KLHL22: variants seen among roughly 807,000 people sequenced by gnomAD.
KLHL22 encodes the protein kelch like family member 22.
In KLHL22, 18 loss-of-function variants were observed where a neutral mutation model predicts 60.7. The observed-to-expected ratio is 0.30, with a 90% CI of 0.20 to 0.44. The LOEUF (loss-of-function observed/expected upper bound fraction) is 0.44, where lower values mean the gene tolerates loss of function less well. KLHL22 is among the 20% of genes least tolerant of loss of function. The pLI is 1.00. For missense variants in KLHL22, 596 were observed against 852.3 expected (o/e 0.70, Z 3.74); for synonymous variants, 355 against 354.5 (o/e 1.00, Z -0.01).
intron 2 of KLHL22, among the ~76,000 whole-genome samples, chr22:20,475,489 T>C (rs1346445849): frequency 2.0e-5 from 3 of 152,180 alleles, no homozygotes; most frequent in African/African-American, 7.2e-5. Flanking sequence ...TAATTTATTT[T>C]GGTATAAGGT....
chr22:20,483,484 T>A, intron 2 of KLHL22: 4 of 741,762 alleles, frequency 5.4e-6, no homozygotes, highest in Non-Finnish European at 1.0e-5. Context: ...GAGCAGCTCC[T>A]CCTTGAGAGC....
intron 2 of KLHL22, chr22:20,483,854 T>C: frequency 1.4e-6 from 1 of 722,370 alleles, no homozygotes; most frequent in Admixed American, 1.8e-5. Flanking sequence ...TCAGGCTTTG[T>C]ATGGTCTCCT....
intron 3 of KLHL22, among the ~76,000 whole-genome samples, chr22:20,470,719 C>CATGGATGGATGG (rs566014622): frequency 2.1e-5 from 3 of 143,498 alleles, no homozygotes; most frequent in Non-Finnish European, 3.1e-5. Flanking sequence ...TGGATGCATG[C>CATGGATGGATGG]ATGGATGGAT....
intron 6 of KLHL22, among the ~76,000 whole-genome samples, chr22:20,442,793 T>C (rs1436073345): frequency 2.0e-5 from 3 of 152,248 alleles, no homozygotes; most frequent in African/African-American, 7.2e-5. Context: ...TCATTCCCCA[T>C]GTCTGAGGGC....
chr22:20,442,567 G>A, intron 6 of KLHL22, 129 bp from the exon 7 acceptor site: 1 of 1,155,080 alleles, frequency 8.7e-7, no homozygotes, highest in Non-Finnish European at 1.2e-6. Flanking sequence ...CTGGAAGGAT[G>A]GCACAGGGCC....
intron 2 of KLHL22, among the ~76,000 whole-genome samples, chr22:20,481,510 T>C (rs1357082335): frequency 6.6e-6 from 1 of 151,966 alleles, no homozygotes; most frequent in Non-Finnish European, 1.5e-5. Context: ...TAGGCGGAGG[T>C]TGCAGTGAGC....
chr22:20,470,873 T>C (rs533072995), intron 3 of KLHL22, among the ~76,000 whole-genome samples: 37 of 151,878 alleles, frequency 2.4e-4, no homozygotes, highest in African/African-American at 8.0e-4. Context: ...CATGCATGGA[T>C]GGATGGATGG....
At chr22:20,454,107 T>TC (rs1162824029) in intron 5 of KLHL22, among the ~76,000 whole-genome samples, 1 of 152,108 alleles carries the variant, frequency 6.6e-6, no homozygotes, top group Admixed American at 6.6e-5. Flanking sequence ...GGCAGACAGA[T>TC]CCCTTGAGAC....
chr22:20,466,737 C>G (rs1352556161), intron 3 of KLHL22, among the ~76,000 whole-genome samples: 1 of 152,324 alleles, frequency 6.6e-6, no homozygotes, highest in East Asian at 1.9e-4. Context: ...TCATAGCTCA[C>G]CGAAGTCTCA....
chr22:20,464,960 G>C lies in KLHL22; in HGVS notation c.1010C>G (p.Pro337Arg). The C allele has an allele frequency of 6.2e-7, 1 of 1,608,220 alleles. No individual in the cohort carries two copies. Among genetic ancestry groups the C allele is most frequent in the Non-Finnish European group, 8.5e-7 (1 of 1,177,090 alleles). ...EWKHFTASLAPRMSNQGIAVL... is the reference protein window; with the variant it reads ...EWKHFTASLARRMSNQGIAVL... ...CGCGATGCCCTGGTTGGACATGCGGGGGGCCAGGGAGGCAGTGAAGTGCTT... is the reference window on the plus strand; with the variant it reads ...CGCGATGCCCTGGTTGGACATGCGGCGGGCCAGGGAGGCAGTGAAGTGCTT... The change falls in exon 4 of 7, where the codon CCC (proline) becomes CGC (arginine). Residue 337 changes from proline to arginine, a missense_variant. Pro to Arg is a moderately radical substitution (Grantham distance 103). Coordinates refer to ENST00000328879, the MANE Select transcript of KLHL22 (RefSeq NM_032775.4).
At chr22:20,482,724 CACA>C in intron 2 of KLHL22, 1 of 626,738 alleles carries the variant, frequency 1.6e-6, no homozygotes. Flanking sequence ...AGGCATGCAC[CACA>C]ACACCTGGCT....
chr22:20,467,946 C>T (rs1195614947), intron 3 of KLHL22, among the ~76,000 whole-genome samples: 2 of 152,204 alleles, frequency 1.3e-5, no homozygotes, highest in South Asian at 4.1e-4. Flanking sequence ...GCGTGAGCCA[C>T]GGCGCCCGGC....
At chr22:20,489,948 AATT>A (rs2053655995) in intron 1 of KLHL22, 1 of 374,900 alleles carries the variant, frequency 2.7e-6, no homozygotes, top group African/African-American at 2.1e-5. Context: ...ATCTTCTAAT[AATT>A]GAGTCAGTAC....
intron 6 of KLHL22, among the ~76,000 whole-genome samples, chr22:20,444,950 T>C (rs1051170948): frequency 6.6e-6 from 1 of 151,672 alleles, no homozygotes; most frequent in Non-Finnish European, 1.5e-5. Context: ...CCTGGCTAAT[T>C]TTTTTTTGTA....
Position 20,465,363 on chromosome 22 carries a change from T to C in KLHL22, c.607A>G (p.Asn203Asp). Residue 203 changes from asparagine to aspartate, a missense_variant, in exon 4 of 7, where the codon AAT becomes GAT. Transcript: ENST00000328879. The surrounding 1 kb of genome is among the most constrained non-coding windows in gnomAD (Gnocchi z 4.9). ...LEKVYSLLSS[N>D]RLEVSCETEV... ...GTCTCGCAGGAGACCTCCAGGCGAT[T>C]GCTGCTGAGGAGGGAGTAGACCTTC... 6.2e-7 allele frequency: 1 copy of C among 1,614,100 alleles called. No individual in the cohort carries two copies. Among genetic ancestry groups the C allele is most frequent in the Non-Finnish European group, 8.5e-7 (1 of 1,179,994 alleles).
intron 2 of KLHL22, chr22:20,482,039 T>C (rs1306916086): frequency 1.3e-5 from 2 of 152,118 alleles, no homozygotes; most frequent in African/African-American, 2.4e-5. Context: ...CCTGGGCCGG[T>C]TCACACCTCT....
At chr22:20,483,338 C>A in intron 2 of KLHL22, 1 of 733,572 alleles carries the variant, frequency 1.4e-6, no homozygotes, top group South Asian at 1.4e-5. Flanking sequence ...GCCAGCTCAT[C>A]ATATTGAGCC....
Position 20,449,980 on chromosome 22 carries a change from C to T in KLHL22, c.1306-3304G>A, listed in dbSNP as rs2052948454. The T allele has an allele frequency of 5.3e-6, 3 of 561,946 alleles. No individual in the cohort carries two copies. The African/African-American group carries it at 5.7e-5, about 11-fold the overall frequency. 34.8% of individuals were successfully genotyped at this position (561,946 alleles called of 1,614,324 possible). ...GGCCGGGGCGGCGGCGGCGACGCTTCGGCTCCTCCTGAGCCACCTGCTGGA... is the reference window on the plus strand; with the variant it reads ...GGCCGGGGCGGCGGCGGCGACGCTTTGGCTCCTCCTGAGCCACCTGCTGGA... On this transcript the variant is annotated intron_variant, in intron 5 of 6. Transcript: ENST00000328879.
chr22:20,477,105 C>T (rs2053427716), intron 2 of KLHL22, among the ~76,000 whole-genome samples: 1 of 151,836 alleles, frequency 6.6e-6, no homozygotes. Flanking sequence ...TAAGATTAGA[C>T]TGGGCAGCCA....
Sources: allele counts gnomAD v4.1 joint callset (sites outside exome capture counted in the v4.1 genomes callset), GRCh38; gene constraint gnomAD v4.1.1; non-coding constraint Gnocchi (gnomAD v3.1); transcripts MANE v1.5; gene names NCBI Gene and HGNC (gene_info 2026-07-23, HGNC 2026-07-21).